The following TNKS variants were observed in gnomAD, a reference collection of about 807,000 sequenced individuals.
The protein encoded by TNKS is poly [ADP-ribose] polymerase tankyrase-1.
A neutral mutation model predicts 135.8 loss-of-function variants in TNKS; 72 were observed. The observed-to-expected ratio is 0.53, with a 90% confidence interval of 0.44 to 0.64. The LOEUF is 0.64. Ranked by LOEUF, TNKS falls within the 30% of genes least tolerant of loss-of-function variation. TNKS has a pLI of 0.00. For missense variants in TNKS, 1,769 were observed against 1,674.0 expected, an observed-to-expected ratio of 1.06 and a Z score of -0.99; for synonymous variants, 849 against 649.3, an observed-to-expected ratio of 1.31 and a Z score of -4.68.
intron 1 of TNKS, chr8:9,575,002 C>G: frequency 2.0e-6 from 2 of 982,990 alleles, no homozygotes; most frequent in Non-Finnish European, 2.4e-6. Flanking sequence ...TTCTAAGGAG[C>G]TCCTAATACC....
intron 18 of TNKS, among the ~76,000 whole-genome samples, chr8:9,750,090 C>G (rs1806441868): frequency 6.6e-6 from 1 of 152,186 alleles, no homozygotes; most frequent in Non-Finnish European, 1.5e-5. Context: ...GGACAATGCC[C>G]ATAAGATCCT....
rs1009190249 is a variant in TNKS, at chr8:9,778,633, G to C, written c.*1897G>C. On this transcript the variant is annotated 3_prime_UTR_variant, in exon 27 of 27. Coordinates refer to ENST00000310430, the MANE Select transcript of TNKS (RefSeq NM_003747.3). ...CTTGGCTACTTGTTTAATAGCACTAGAATTCCAGGTGAAGCTTTGAGAGTT... is the reference window on the plus strand; with the variant it reads ...CTTGGCTACTTGTTTAATAGCACTACAATTCCAGGTGAAGCTTTGAGAGTT... 9.2e-5 allele frequency: 14 copies of C among 152,538 alleles called. No homozygotes were observed. Among genetic ancestry groups the C allele is most frequent in the African/African-American group, 3.4e-4 (14 of 41,428 alleles). 9.4% of individuals were successfully genotyped at this position (152,538 alleles called of 1,614,324 possible). A position where few individuals can be genotyped will look rare whatever the true frequency, so the allele number is the denominator to read the frequency against.
At chr8:9,665,155 G>GT (rs1400818393) in intron 3 of TNKS, among the ~76,000 whole-genome samples, 9 of 152,036 alleles carry the variant, frequency 5.9e-5, no homozygotes, top group Admixed American at 5.9e-4. Flanking sequence ...TTCTGTTGAC[G>GT]TAAGTTTCCA....
rs1029183387 is a variant in TNKS, at chr8:9,672,681, T to C, written c.995-7270T>C. On this transcript the variant is annotated intron_variant, in intron 3 of 26. Coordinates refer to ENST00000310430, the MANE Select transcript of TNKS (RefSeq NM_003747.3). The stretch of plus-strand genomic sequence containing the variant: ...AAAAAAAAAAAAAAAAAAAAACACA[T>C]ACACACACACACACACACACACACA... Among the ~76,000 whole-genome samples, 294 of 84,650 alleles carry C rather than the reference T, an allele frequency of 3.5e-3. 3 individuals are homozygous for C. The highest frequency in any genetic ancestry group is 0.018 in the Middle Eastern group (2 of 110). 55.5% of individuals were successfully genotyped at this position (84,650 alleles called of 152,430 possible). A position where few individuals can be genotyped will look rare whatever the true frequency, so the allele number is the denominator to read the frequency against.
In TNKS at chr8:9,708,891, C is replaced by T. The variant is rs1051257223; in HGVS notation, c.1578+399C>T. Among the ~76,000 whole-genome samples, 4 of 151,848 alleles carry T rather than the reference C, an allele frequency of 2.6e-5. No homozygotes were observed. In the South Asian group the frequency reaches 8.3e-4, roughly 32 times the overall value. ...TAGATATTTGCATTATCTTTTTGAG[C>T]AATTGTATTCAAAGAACTGATTATA... On this transcript the variant is annotated intron_variant, in intron 9 of 26. Transcript: ENST00000310430.
Position 9,556,013 on chromosome 8 carries a change from C to T in TNKS, c.74C>T (p.Ser25Leu). Residue 25 changes from serine to leucine, a missense_variant, in exon 1 of 27, where the codon TCA becomes TTA. By Grantham distance (145) the Ser-to-Leu change is moderately radical. Coordinates refer to ENST00000310430, the MANE Select transcript of TNKS (RefSeq NM_003747.3). ...CAGCTCCAGCCCGCCCCAGGGGCTT[C>T]AGCGCCGCCGCCGCCACCTCCTCCC... ...QQQLQPAPGA[S>L]APPPPPPPPL... is the part of the protein sequence containing the mutation. The T allele has an allele frequency of 6.2e-7, 1 of 1,612,926 alleles. No homozygotes were observed. The highest frequency in any genetic ancestry group is 8.5e-7 in the Non-Finnish European group (1 of 1,179,800).
chr8:9,607,681 A>G (rs550580484), intron 2 of TNKS, among the ~76,000 whole-genome samples: 2 of 152,348 alleles, frequency 1.3e-5, no homozygotes, highest in African/African-American at 4.8e-5. Context: ...ATTATACTAT[A>G]TAAAATAATT....
intron 3 of TNKS, among the ~76,000 whole-genome samples, chr8:9,627,840 T>C (rs953982032): frequency 6.6e-6 from 1 of 152,228 alleles, no homozygotes; most frequent in African/African-American, 2.4e-5. Flanking sequence ...CCATTTCTTT[T>C]TACACATTTA....
chr8:9,602,994 G>A (rs1173772639), intron 2 of TNKS, among the ~76,000 whole-genome samples: 4 of 152,064 alleles, frequency 2.6e-5, no homozygotes, highest in South Asian at 4.2e-4. Context: ...TACACAAGGT[G>A]TCCTAAATAT....
chr8:9,726,772 A>G, intron 13 of TNKS, 52 bp downstream of exon 13: 2 of 1,414,678 alleles, frequency 1.4e-6, no homozygotes, highest in Non-Finnish European at 2.0e-6. Flanking sequence ...TTTGCTAACC[A>G]ATTCATTTTT....
intron 5 of TNKS, among the ~76,000 whole-genome samples, chr8:9,688,625 A>C (rs1803119502): frequency 6.6e-6 from 1 of 151,878 alleles, no homozygotes; most frequent in Non-Finnish European, 1.5e-5. Flanking sequence ...CTGGTGAGCA[A>C]GTTTTTTTTC....
chr8:9,614,048 C>G (rs1469884664), intron 2 of TNKS, among the ~76,000 whole-genome samples: 2 of 152,190 alleles, frequency 1.3e-5, no homozygotes, highest in Non-Finnish European at 2.9e-5. Flanking sequence ...CACTCAGCAA[C>G]TAAATAAAGT....
intron 5 of TNKS, among the ~76,000 whole-genome samples, chr8:9,686,082 C>T (rs547881731): frequency 6.6e-6 from 1 of 152,192 alleles, no homozygotes; most frequent in Admixed American, 6.5e-5. Flanking sequence ...GCCACACTGA[C>T]TCTGGGCTTA....
chr8:9,600,663 G>A (rs1476159656), intron 2 of TNKS, among the ~76,000 whole-genome samples: 2 of 151,714 alleles, frequency 1.3e-5, no homozygotes, highest in African/African-American at 2.4e-5. Flanking sequence ...TCCCACTGAC[G>A]TACTTGGAAA....
At chr8:9,637,914 G>T (rs573600349) in intron 3 of TNKS, among the ~76,000 whole-genome samples, 2 of 151,904 alleles carry the variant, frequency 1.3e-5, no homozygotes, top group Non-Finnish European at 2.9e-5. Flanking sequence ...TTTTCTTAAG[G>T]TTATACTTTA....
At chr8:9,684,027 A>G (rs898074700) in intron 5 of TNKS, among the ~76,000 whole-genome samples, 9 of 151,352 alleles carry the variant, frequency 5.9e-5, no homozygotes, top group Non-Finnish European at 1.0e-4. Context: ...TGATACTTTT[A>G]TGCAATTATA....
intron 3 of TNKS, among the ~76,000 whole-genome samples, chr8:9,616,658 ATTAC>A (rs1799656674): frequency 6.6e-6 from 1 of 152,206 alleles, no homozygotes; most frequent in African/African-American, 2.4e-5. Flanking sequence ...ATTTTGCTTA[ATTAC>A]TCTGCATAGA....
At chr8:9,733,152 G>T (rs1805526292) in intron 14 of TNKS, 127 bp from the exon 15 acceptor site, 2 of 667,632 alleles carry the variant, frequency 3.0e-6, no homozygotes, top group East Asian at 3.2e-5. Flanking sequence ...ACAGAGGTGG[G>T]TGTATTTCTT....
chr8:9,666,003 G>T lies in TNKS; in HGVS notation c.995-13948G>T, dbSNP rs555463068. The stretch of plus-strand genomic sequence containing the variant: ...TTCTCTCTGTCCTCCAAATAAATGT[G>T]CAAAGTCATGCTCTGAAACTGAAGT... On this transcript the variant is annotated intron_variant, in intron 3 of 26. Transcript: ENST00000310430. Among the ~76,000 whole-genome samples the T allele has an allele frequency of 9.2e-5, 14 of 151,840 alleles. 1 individual carries two copies. The South Asian group carries it at 2.9e-3, about 32-fold the overall frequency.
Sources: gnomAD v4.1 joint callset for allele counts (sites outside exome capture counted in the v4.1 genomes callset) on GRCh38, gnomAD v4.1.1 for gene constraint, MANE v1.5 for transcripts, NCBI Gene and HGNC (gene_info 2026-07-23, HGNC 2026-07-21) for gene names.